Variants in FOXP2 observed in about 807,000 individuals in gnomAD.
FOXP2 encodes forkhead box protein P2.
In FOXP2, 12 loss-of-function variants were observed where a neutral mutation model predicts 115.8. The ratio of observed to expected loss-of-function variants is 0.10; its 90% confidence interval spans 0.07 to 0.17. The LOEUF (loss-of-function observed/expected upper bound fraction) is 0.17. Among genes scored for constraint, FOXP2 ranks in the 10% least tolerant of loss-of-function variants. FOXP2 has a pLI of 1.00. For synonymous variants in FOXP2, 328 were observed against 297.7 expected (o/e 1.10, Z -1.05); for missense variants, 629 against 843.5 (o/e 0.75, Z 3.15).
rs1350920856 is a variant in FOXP2 at position 114,692,462 on chromosome 7, G to T, written c.*2536G>T. 2.2e-6 allele frequency: 1 copy of T among 451,998 alleles called. No individual in the cohort carries two copies. Among genetic ancestry groups the T allele is most frequent in the Non-Finnish European group, 4.4e-6 (1 of 226,222 alleles). 28.0% of individuals were successfully genotyped at this position (451,998 alleles called of 1,614,324 possible). On this transcript the variant is annotated 3_prime_UTR_variant, in exon 17 of 17. Coordinates refer to ENST00000350908, the MANE Select transcript of FOXP2 (RefSeq NM_014491.4). ...TCCTGAAATGCTTGGTCTGTATTTT[G>T]ATAATTGTGCATATTATGTAAAAAT...
chr7:114,459,504 G>A (rs1268327207), intron 2 of FOXP2, among the ~76,000 whole-genome samples: 7 of 152,142 alleles, frequency 4.6e-5, no homozygotes, highest in Admixed American at 2.6e-4. Context: ...ACTAACATTC[G>A]TCCAAATATT....
chr7:114,097,286 C>A (rs572177032), intron 1 of FOXP2, among the ~76,000 whole-genome samples: 1 of 152,286 alleles, frequency 6.6e-6, no homozygotes, highest in Non-Finnish European at 1.5e-5. Flanking sequence ...TTTTATTCAA[C>A]CCTTCCTCCC....
chr7:114,362,493 A>G (rs1025257217), intron 2 of FOXP2, among the ~76,000 whole-genome samples: 1 of 152,130 alleles, frequency 6.6e-6, no homozygotes, highest in Non-Finnish European at 1.5e-5. Context: ...CATGCTAAAC[A>G]ACTTATGGTT....
intron 1 of FOXP2, among the ~76,000 whole-genome samples, chr7:114,153,654 AATGT>A: frequency 6.6e-6 from 1 of 152,138 alleles, no homozygotes; most frequent in African/African-American, 2.4e-5. Context: ...TTAACTCTTG[AATGT>A]ACCAGACATC....
chr7:114,620,651 G>A (rs142563345), intron 3 of FOXP2, among the ~76,000 whole-genome samples: 1 of 152,062 alleles, frequency 6.6e-6, no homozygotes, highest in Non-Finnish European at 1.5e-5. Flanking sequence ...GCAACTGTGG[G>A]AAAATAGTCT....
At chr7:114,584,404 G>T (rs1802024653) in intron 3 of FOXP2, among the ~76,000 whole-genome samples, 1 of 152,062 alleles carries the variant, frequency 6.6e-6, no homozygotes, top group South Asian at 2.1e-4. Flanking sequence ...CAGTTAATAG[G>T]CAAAGTTCCA....
chr7:114,497,714 G>T (rs936494576), intron 2 of FOXP2, among the ~76,000 whole-genome samples: 2 of 150,676 alleles, frequency 1.3e-5, no homozygotes, highest in Admixed American at 6.6e-5. Flanking sequence ...AATAAAAGTT[G>T]CATTTAGATA....
At chr7:114,567,857 G>T (rs562802776) in intron 3 of FOXP2, among the ~76,000 whole-genome samples, 1 of 152,172 alleles carries the variant, frequency 6.6e-6, no homozygotes, top group Non-Finnish European at 1.5e-5. Flanking sequence ...AGAAGAAACT[G>T]GGTGGGGTTT....
At chr7:114,318,180 T>C (rs894615908) in intron 2 of FOXP2, among the ~76,000 whole-genome samples, 1 of 152,196 alleles carries the variant, frequency 6.6e-6, no homozygotes, top group Non-Finnish European at 1.5e-5. Context: ...CTCACTGAAA[T>C]GTGGACTGTT....
chr7:114,539,247 T>C (rs1033938881), intron 3 of FOXP2, among the ~76,000 whole-genome samples: 2 of 151,958 alleles, frequency 1.3e-5, no homozygotes, highest in Non-Finnish European at 2.9e-5. Context: ...ATATGGGATA[T>C]AGAATCACTC....
chr7:114,449,186 AAAT>A (rs1446326947), intron 2 of FOXP2, among the ~76,000 whole-genome samples: 1 of 152,058 alleles, frequency 6.6e-6, no homozygotes, highest in Non-Finnish European at 1.5e-5. Context: ...ATTATTTAAA[AAAT>A]ATATTTTAGG....
At chr7:114,350,039 A>G (rs1400837852) in intron 2 of FOXP2, among the ~76,000 whole-genome samples, 3 of 152,162 alleles carry the variant, frequency 2.0e-5, no homozygotes, top group African/African-American at 7.2e-5. Flanking sequence ...GCACTATATA[A>G]CAAGAAGCAA....
At chr7:114,478,906 G>C (rs1030536591) in intron 2 of FOXP2, among the ~76,000 whole-genome samples, 1 of 151,490 alleles carries the variant, frequency 6.6e-6, no homozygotes, top group Non-Finnish European at 1.5e-5. Flanking sequence ...TATGGTAAAG[G>C]CTTGTTACAT....
At position 114,526,926 on chromosome 7, in the gene FOXP2, C is replaced by A. The variant is rs143014761; in HGVS notation, c.169-7691C>A. Reference sequence around the variant, plus strand: ...ACATTCTCATCACCCTAAAAAGAAACCCCATTCTCATTAGCAGTCACTTTC... The same window carrying A: ...ACATTCTCATCACCCTAAAAAGAAAACCCATTCTCATTAGCAGTCACTTTC... On this transcript the variant is annotated intron_variant, in intron 2 of 16. Coordinates refer to ENST00000350908, the MANE Select transcript of FOXP2 (RefSeq NM_014491.4). 5.5e-3 allele frequency among the ~76,000 whole-genome samples: 840 copies of A among 152,024 alleles called. 5 individuals are homozygous for A. Among genetic ancestry groups the A allele is most frequent in the African/African-American group, 0.018 (746 of 41,482 alleles).
At chr7:114,673,713 T>C (rs1807611019) in intron 16 of FOXP2, among the ~76,000 whole-genome samples, 1 of 152,186 alleles carries the variant, frequency 6.6e-6, no homozygotes, top group South Asian at 2.1e-4. Context: ...CTGACTTTTT[T>C]TTTGAGATGG....
At chr7:114,324,991 T>C (rs1283372098) in intron 2 of FOXP2, among the ~76,000 whole-genome samples, 7 of 151,880 alleles carry the variant, frequency 4.6e-5, no homozygotes, top group Non-Finnish European at 1.0e-4. Flanking sequence ...CAAAGAGAAA[T>C]AATCATATCA....
chr7:114,582,060 G>A (rs1801899007), intron 3 of FOXP2, among the ~76,000 whole-genome samples: 2 of 152,152 alleles, frequency 1.3e-5, no homozygotes, highest in Non-Finnish European at 1.5e-5. Context: ...AGCAAATTGA[G>A]AAAGATCTTG....
intron 2 of FOXP2, among the ~76,000 whole-genome samples, chr7:114,386,681 C>G (rs1424973301): frequency 6.6e-6 from 1 of 152,142 alleles, no homozygotes; most frequent in African/African-American, 2.4e-5. Flanking sequence ...AGGTTAATCC[C>G]AAGAAGCAGC....
intron 2 of FOXP2, among the ~76,000 whole-genome samples, chr7:114,484,910 G>A (rs1030438792): frequency 1.3e-5 from 2 of 151,518 alleles, no homozygotes; most frequent in African/African-American, 4.8e-5. Context: ...TTTAAAATTG[G>A]TATTGGTTGG....
Sources: gnomAD v4.1 joint callset for allele counts (sites outside exome capture counted in the v4.1 genomes callset) on GRCh38, gnomAD v4.1.1 for gene constraint, MANE v1.5 for transcripts, NCBI Gene and HGNC (gene_info 2026-07-23, HGNC 2026-07-21) for gene names.